Variants in CCNB1IP1 observed in about 807,000 individuals in gnomAD.
The protein encoded by CCNB1IP1 is cyclin B1 interacting protein 1.
Under a neutral mutation model 25.6 loss-of-function variants are expected in CCNB1IP1, and 14 were observed. The observed-to-expected ratio is 0.55, with a 90% CI of 0.36 to 0.85. The LOEUF is 0.85. Ranked by LOEUF, CCNB1IP1 falls within the 40% of genes least tolerant of loss-of-function variation. The probability of loss-of-function intolerance (pLI) is 0.01; values close to 1 mark genes in which losing one functional copy is unlikely to be tolerated. For missense variants in CCNB1IP1, 278 were observed against 342.4 expected, an observed-to-expected ratio of 0.81 and a Z score of 1.48; for synonymous variants, 119 against 116.1, an observed-to-expected ratio of 1.02 and a Z score of -0.16.
intron 6 of CCNB1IP1, 120 bp downstream of exon 6, chr14:20,313,348 C>T: frequency 4.3e-6 from 3 of 704,806 alleles, no homozygotes; most frequent in Non-Finnish European, 6.9e-6. Flanking sequence ...AATTCAGAGC[C>T]TACCACAACT....
chr14:20,316,081 C>T (rs1882684232), intron 5 of CCNB1IP1, 146 bp downstream of exon 5: 2 of 692,846 alleles, frequency 2.9e-6, no homozygotes, highest in Admixed American at 3.1e-5. Context: ...CAACAATAAA[C>T]AGTATTGCTT....
intron 4 of CCNB1IP1, among the ~76,000 whole-genome samples, chr14:20,324,318 C>G (rs989694188): frequency 3.3e-4 from 50 of 152,168 alleles, no homozygotes; most frequent in Admixed American, 3.2e-3. Flanking sequence ...TCCCAAGTAG[C>G]TGGGATTACA....
At chr14:20,329,100 C>T (rs2031234280) in intron 2 of CCNB1IP1, 74 bp downstream of exon 2, 1 of 152,164 alleles carries the variant, frequency 6.6e-6, no homozygotes, top group South Asian at 2.1e-4. Flanking sequence ...TACTCAGTGC[C>T]ACCTAGCATT....
intron 4 of CCNB1IP1, chr14:20,320,180 A>G (rs1882846019): frequency 5.8e-6 from 2 of 342,214 alleles, no homozygotes; most frequent in South Asian, 4.5e-5. Context: ...TTTTGTACTT[A>G]TGTCTACTCC....
Position 20,316,268 on chromosome 14 carries a change from A to G in CCNB1IP1, c.256T>C (p.Leu86=), listed in dbSNP as rs1882691253. The G allele has an allele frequency of 1.9e-6, 3 of 1,613,888 alleles. No individual in the cohort carries two copies. The highest frequency in any genetic ancestry group is 3.3e-5 in the Admixed American group (2 of 60,002). Residue 86 remains leucine, a synonymous_variant, in exon 5 of 7, where the codon TTG becomes CTG. Transcript: ENST00000358932. The part of the protein sequence containing the change: ...VLAGLRPEIV[L]DISSRALAFW... ...GCCAGCGCTCGGGAGCTAATGTCCA[A>G]CACGATCTCTGGTCGCAGTCCTGCC...
rs755610190 is a variant in CCNB1IP1, at chr14:20,316,562, TAAG to T, written c.-37-5_-37-3del. 2.6e-6 allele frequency: 4 copies of T among 1,541,030 alleles called. No homozygotes were observed. Among genetic ancestry groups the T allele is most frequent in the Non-Finnish European group, 3.5e-6 (4 of 1,134,510 alleles). On this transcript the variant is annotated splice_polypyrimidine_tract_variant and splice_region_variant and intron_variant, in intron 4 of 6. Transcript: ENST00000358932. ...GGTCTCCAGAAGCTGAAGAGAGGCC[TAAG>T]AAGGGGTAAATAAAAAGGCCAAGTA...
chr14:20,314,094 A>C, intron 5 of CCNB1IP1: 1 of 244,262 alleles, frequency 4.1e-6, no homozygotes, highest in Non-Finnish European at 7.8e-6. Flanking sequence ...AAAGGTTTTT[A>C]AGAAATATAA....
intron 1 of CCNB1IP1, among the ~76,000 whole-genome samples, chr14:20,330,163 TG>T (rs1726162582): frequency 6.6e-6 from 1 of 150,442 alleles, no homozygotes; most frequent in African/African-American, 2.4e-5. Flanking sequence ...TGGATGCTGC[TG>T]GGGGCCATTA....
Position 20,313,533 on chromosome 14 carries a change from G to C in CCNB1IP1, c.566C>G (p.Ala189Gly), listed in dbSNP as rs767459771. 1 of 1,614,100 alleles carries C rather than the reference G, an allele frequency of 6.2e-7. No individual in the cohort carries two copies. The highest frequency in any genetic ancestry group is 1.1e-5 in the South Asian group (1 of 91,054). Residue 189 changes from alanine (A) to glycine (G), a missense_variant, in exon 6 of 7, where the codon GCT (alanine) becomes GGT (glycine). Ala to Gly is a moderately conservative substitution (Grantham distance 60). Coordinates refer to ENST00000358932, the MANE Select transcript of CCNB1IP1 (RefSeq NM_021178.5). ...DSLRLRNITI[A>G]NHEGTLEPSM... ...TGGTTCAAGGGTGCCTTCATGGTTAGCAATAGTGATGTTTCGTAGCCTAAG... is the reference window on the plus strand; with the variant it reads ...TGGTTCAAGGGTGCCTTCATGGTTACCAATAGTGATGTTTCGTAGCCTAAG...
In CCNB1IP1 at chr14:20,316,477, C is replaced by G; in HGVS notation, c.47G>C (p.Arg16Pro). The change falls in exon 5 of 7, where the codon CGC becomes CCC. Residue 16 changes from arginine (R) to proline (P), a missense_variant. Physicochemically the swap from Arg to Pro is moderately radical, Grantham distance 103. Coordinates refer to ENST00000358932, the MANE Select transcript of CCNB1IP1 (RefSeq NM_021178.5). ...DMLLCNYRKC[R>P]IKLSGYAWVT... The stretch of plus-strand genomic sequence containing the variant: ...CCATGCATAGCCAGAGAGTTTGATG[C>G]GACACTTTCGATAATTACAAAGCAG... 2 of 1,612,118 alleles carry G rather than the reference C, an allele frequency of 1.2e-6. No homozygotes were observed. Among genetic ancestry groups the G allele is most frequent in the South Asian group, 1.1e-5 (1 of 91,072 alleles).
At position 20,316,282 on chromosome 14, in the gene CCNB1IP1, C is replaced by T; in HGVS notation, c.242G>A (p.Arg81Gln). 1 of 1,613,962 alleles carries T rather than the reference C, an allele frequency of 6.2e-7. No individual in the cohort carries two copies. Among genetic ancestry groups the T allele is most frequent in the Non-Finnish European group, 8.5e-7 (1 of 1,179,850 alleles). The stretch of plus-strand genomic sequence containing the variant: ...GCTAATGTCCAACACGATCTCTGGT[C>T]GCAGTCCTGCCAATACCATAGCTTT... ...EYKAMVLAGL[R>Q]PEIVLDISSR... Residue 81 changes from arginine (R) to glutamine (Q), a missense_variant, in exon 5 of 7, where the codon CGA becomes CAA. Coordinates refer to ENST00000358932, the MANE Select transcript of CCNB1IP1 (RefSeq NM_021178.5).
chr14:20,316,139 T>C, intron 5 of CCNB1IP1, 88 bp downstream of exon 5: 6 of 1,163,750 alleles, frequency 5.2e-6, no homozygotes, highest in Non-Finnish European at 7.2e-6. Context: ...CATAAAAAAT[T>C]AATAATAATA....
chr14:20,331,274 T>C (rs922933107), intron 1 of CCNB1IP1, among the ~76,000 whole-genome samples: 66 of 152,322 alleles, frequency 4.3e-4, no homozygotes, highest in African/African-American at 1.5e-3. Flanking sequence ...TTGGTTGTTC[T>C]GGGCCACTGC....
At chr14:20,324,654 C>T (rs1161969553) in intron 4 of CCNB1IP1, among the ~76,000 whole-genome samples, 2 of 152,076 alleles carry the variant, frequency 1.3e-5, no homozygotes. Flanking sequence ...TCAAAATAAC[C>T]ACCCTGAGTC....
chr14:20,328,947 A>C (rs2090593421), intron 2 of CCNB1IP1, among the ~76,000 whole-genome samples: 1 of 152,236 alleles, frequency 6.6e-6, no homozygotes, highest in Admixed American at 6.5e-5. Flanking sequence ...ACTTCAAAGT[A>C]CTAGTGTTCA....
intron 1 of CCNB1IP1, among the ~76,000 whole-genome samples, chr14:20,332,358 A>G (rs1883279045): frequency 6.6e-6 from 1 of 151,316 alleles, no homozygotes; most frequent in Admixed American, 6.6e-5. Context: ...ACATGTACCA[A>G]AAGAAAGGAA....
At chr14:20,321,854 G>C (rs1882906790) in intron 4 of CCNB1IP1, among the ~76,000 whole-genome samples, 1 of 152,198 alleles carries the variant, frequency 6.6e-6, no homozygotes, top group Admixed American at 6.5e-5. Flanking sequence ...TACAAAAACA[G>C]TGAAGTATAC....
rs1053820465 is a variant in CCNB1IP1 at position 20,329,178 on chromosome 14, A to C, written c.-235T>G. ...AGATAGGAAAGACACACATACGTGT[A>C]ATGAAGAGAACTTAAGGCAGCTTAT... On this transcript the variant is annotated 5_prime_UTR_variant, in exon 2 of 7. It adds an upstream start codon to the 5' untranslated region. Coordinates refer to ENST00000358932, the MANE Select transcript of CCNB1IP1 (RefSeq NM_021178.5). 9 of 152,250 alleles carry C rather than the reference A, an allele frequency of 5.9e-5. No homozygotes were observed. Among genetic ancestry groups the C allele is most frequent in the Non-Finnish European group, 1.3e-4 (9 of 68,040 alleles). 9.4% of individuals were successfully genotyped at this position (152,250 alleles called of 1,614,324 possible). A position where few individuals can be genotyped will look rare whatever the true frequency, so the allele number is the denominator to read the frequency against.
rs1427566841 is a variant in CCNB1IP1, at chr14:20,329,237, C to T, written c.-294G>A. On this transcript the variant is annotated 5_prime_UTR_variant, in exon 2 of 7. Coordinates refer to ENST00000358932, the MANE Select transcript of CCNB1IP1 (RefSeq NM_021178.5). Reference sequence around the variant, plus strand: ...AAATTCAAGTACCAGGCTTTAGGTACCATCAGCCTTTAACCCTTTCTGTTG... The same window carrying T: ...AAATTCAAGTACCAGGCTTTAGGTATCATCAGCCTTTAACCCTTTCTGTTG... 6.6e-6 allele frequency: 1 copy of T among 152,210 alleles called. No individual in the cohort carries two copies. Among genetic ancestry groups the T allele is most frequent in the Non-Finnish European group, 1.5e-5 (1 of 68,036 alleles). The allele number at this position is 152,210 out of a possible 1,614,324, so 9.4% of individuals were successfully genotyped here.
Sources: gnomAD v4.1 joint callset for allele counts (sites outside exome capture counted in the v4.1 genomes callset) on GRCh38, gnomAD v4.1.1 for gene constraint, MANE v1.5 for transcripts, NCBI Gene and HGNC (gene_info 2026-07-23, HGNC 2026-07-21) for gene names.